Variants in FAM184A observed in about 807,000 individuals in gnomAD.
FAM184A encodes the protein protein FAM184A.
A neutral mutation model predicts 143.8 loss-of-function variants in FAM184A; 99 were observed. That is an observed-to-expected ratio of 0.69 (90% confidence interval 0.58 to 0.81). The LOEUF is 0.81. FAM184A is among the 40% of genes least tolerant of loss of function. FAM184A has a pLI of 0.00. For missense variants in FAM184A, 1,217 were observed against 1,310.5 expected, an observed-to-expected ratio of 0.93 and a Z score of 1.10; for synonymous variants, 427 against 446.4, an observed-to-expected ratio of 0.96 and a Z score of 0.55.
chr6:119,042,965 T>C (rs1268685823), intron 1 of FAM184A, among the ~76,000 whole-genome samples: 3 of 152,130 alleles, frequency 2.0e-5, no homozygotes, highest in Non-Finnish European at 4.4e-5. Context: ...TCCCGAGTTC[T>C]CCCCACACCT....
intron 1 of FAM184A, among the ~76,000 whole-genome samples, chr6:119,090,477 C>T (rs1788337333): frequency 6.6e-6 from 1 of 152,194 alleles, no homozygotes; most frequent in African/African-American, 2.4e-5. Context: ...TGCATAGGAA[C>T]TGTCCAACAC....
At chr6:119,070,123 A>G (rs1177626031) in intron 1 of FAM184A, among the ~76,000 whole-genome samples, 2 of 152,160 alleles carry the variant, frequency 1.3e-5, no homozygotes, top group Non-Finnish European at 2.9e-5. Context: ...TTTTCCATGT[A>G]CTATAGATCC....
chr6:119,110,791 T>A (rs1429638405), intron 1 of FAM184A, among the ~76,000 whole-genome samples: 4 of 152,238 alleles, frequency 2.6e-5, no homozygotes, highest in African/African-American at 9.6e-5. Context: ...ACACAAATGC[T>A]TCCAGCATTT....
At chr6:118,996,977 G>A (rs966733283) in intron 9 of FAM184A, among the ~76,000 whole-genome samples, 3 of 132,458 alleles carry the variant, frequency 2.3e-5, no homozygotes, top group Non-Finnish European at 4.9e-5. Context: ...CACCCACCTC[G>A]GCCTCCCACA....
At chr6:119,130,242 G>A (rs774600389) in intron 1 of FAM184A, among the ~76,000 whole-genome samples, 1 of 152,058 alleles carries the variant, frequency 6.6e-6, no homozygotes, top group Non-Finnish European at 1.5e-5. Flanking sequence ...GAAGACTTCC[G>A]GCTCCAGAAA....
At chr6:119,025,409 T>C (rs1785596040) in intron 1 of FAM184A, 1 of 516,648 alleles carries the variant, frequency 1.9e-6, no homozygotes, top group South Asian at 1.4e-5. Flanking sequence ...TCTAGTGATC[T>C]CTTTATAAAA....
intron 1 of FAM184A, among the ~76,000 whole-genome samples, chr6:119,075,773 C>T: frequency 6.6e-6 from 1 of 151,860 alleles, no homozygotes; most frequent in Non-Finnish European, 1.5e-5. Flanking sequence ...CATAACAGTC[C>T]CTCTCTCTCT....
chr6:118,960,709 C>A (rs1783293074), intron 17 of FAM184A: 3 of 873,612 alleles, frequency 3.4e-6, no homozygotes, highest in Non-Finnish European at 5.0e-6. Flanking sequence ...ATAGTTTATA[C>A]TTTTCTTAAT....
intron 9 of FAM184A, among the ~76,000 whole-genome samples, chr6:118,988,093 T>G (rs1784251697): frequency 6.6e-6 from 1 of 152,210 alleles, no homozygotes; most frequent in African/African-American, 2.4e-5. Context: ...CTGATAGATT[T>G]ATGCAAAGCT....
At chr6:118,985,966 C>T (rs1178999411) in intron 9 of FAM184A, among the ~76,000 whole-genome samples, 1 of 152,104 alleles carries the variant, frequency 6.6e-6, no homozygotes, top group Non-Finnish European at 1.5e-5. Flanking sequence ...CTTCTTTAAT[C>T]ACTAATGTGC....
intron 14 of FAM184A, among the ~76,000 whole-genome samples, chr6:118,973,449 C>G (rs886593895): frequency 4.6e-5 from 7 of 152,114 alleles, no homozygotes; most frequent in African/African-American, 1.7e-4. Context: ...GATAAAAAGA[C>G]AGAATAAGAA....
intron 1 of FAM184A, among the ~76,000 whole-genome samples, chr6:119,126,091 G>T (rs965358504): frequency 1.3e-5 from 2 of 152,166 alleles, no homozygotes; most frequent in East Asian, 3.9e-4. Flanking sequence ...CTAATCTGAG[G>T]CTTGGGGTCA....
Position 119,070,871 on chromosome 6 carries a change from A to G in FAM184A, c.159+7270T>C, listed in dbSNP as rs139108104. 3.3e-3 allele frequency among the ~76,000 whole-genome samples: 499 copies of G among 151,982 alleles called. 3 individuals carry two copies. Among genetic ancestry groups the G allele is most frequent in the African/African-American group, 0.012 (488 of 41,462 alleles). On this transcript the variant is annotated intron_variant, in intron 1 of 17. Transcript: ENST00000338891. ...TCACATCCTTTCCATTTCATGGCAT[A>G]ATATTCAAATTTATTTGAATGCTTA...
At chr6:119,142,962 G>A (rs556253195) in intron 1 of FAM184A, among the ~76,000 whole-genome samples, 1 of 152,250 alleles carries the variant, frequency 6.6e-6, no homozygotes, top group African/African-American at 2.4e-5. Flanking sequence ...AAACAATGGC[G>A]ATATATAGCT....
chr6:119,057,339 A>T (rs541429886), intron 1 of FAM184A, among the ~76,000 whole-genome samples: 1 of 152,344 alleles, frequency 6.6e-6, no homozygotes, highest in Admixed American at 6.5e-5. Flanking sequence ...TATGCTTACA[A>T]TATAAAAGTC....
intron 12 of FAM184A, 33 bp downstream of exon 12, chr6:118,975,884 G>T: frequency 6.3e-7 from 1 of 1,586,798 alleles, no homozygotes; most frequent in South Asian, 1.1e-5. Context: ...TCAAATTTAA[G>T]AAATCATCAG....
intron 1 of FAM184A, among the ~76,000 whole-genome samples, chr6:119,137,780 C>T (rs1772071367): frequency 6.6e-6 from 1 of 152,212 alleles, no homozygotes; most frequent in African/African-American, 2.4e-5. Flanking sequence ...AAACCCTGTC[C>T]TCAGAGCCAA....
intron 9 of FAM184A, among the ~76,000 whole-genome samples, chr6:118,990,970 AGTAAGAT>A (rs1784359265): frequency 6.6e-6 from 1 of 152,006 alleles, no homozygotes; most frequent in South Asian, 2.1e-4. Flanking sequence ...TACAGAGTTG[AGTAAGAT>A]GTATCAACTT....
At chr6:119,092,624 C>T (rs1358889402) in intron 1 of FAM184A, among the ~76,000 whole-genome samples, 1 of 152,134 alleles carries the variant, frequency 6.6e-6, no homozygotes, top group African/African-American at 2.4e-5. Context: ...CTGTATCTAA[C>T]AGCCCTTGAA....
Sources: gnomAD v4.1 joint callset for allele counts (sites outside exome capture counted in the v4.1 genomes callset) on GRCh38, gnomAD v4.1.1 for gene constraint, MANE v1.5 for transcripts, NCBI Gene and HGNC (gene_info 2026-07-23, HGNC 2026-07-21) for gene names.